The following ASAP3 variants were observed in gnomAD, a reference collection of about 807,000 sequenced individuals.
The protein encoded by ASAP3 is ArfGAP with SH3 domain, ankyrin repeat and PH domain 3.
Under a neutral mutation model 118.2 loss-of-function variants are expected in ASAP3, and 85 were observed. That is an observed-to-expected ratio of 0.72 (90% confidence interval 0.60 to 0.86). The LOEUF (loss-of-function observed/expected upper bound fraction) is 0.86, where lower values mean the gene tolerates loss of function less well. Among genes scored for constraint, ASAP3 ranks in the 40% least tolerant of loss-of-function variants. ASAP3 has a pLI of 0.00. For synonymous variants in ASAP3, 432 were observed against 477.4 expected (o/e 0.90, Z 1.24); for missense variants, 1,026 against 1,175.0 (o/e 0.87, Z 1.85).
intron 7 of ASAP3, 83 bp from the exon 8 acceptor site, chr1:23,441,813 T>TGCC: frequency 6.9e-7 from 1 of 1,458,648 alleles, no homozygotes; most frequent in Non-Finnish European, 9.5e-7. Flanking sequence ...GAAGCTGCCG[T>TGCC]AAGGATCACA....
intron 8 of ASAP3, 66 bp downstream of exon 8, chr1:23,441,589 C>T (rs1203148873): frequency 3.1e-6 from 5 of 1,604,754 alleles, no homozygotes; most frequent in Non-Finnish European, 4.3e-6. Context: ...AGCTCTTCCA[C>T]ACCCACAGAT....
intron 5 of ASAP3, among the ~76,000 whole-genome samples, chr1:23,448,470 T>C (rs908578546): frequency 2.0e-5 from 3 of 152,072 alleles, no homozygotes; most frequent in Non-Finnish European, 4.4e-5. Flanking sequence ...TTATTATTCT[T>C]TTTTAGAGAC....
In ASAP3 at chr1:23,437,330, T is replaced by C. The variant is rs767233249; in HGVS notation, c.1152-10A>G. 1.6e-5 allele frequency: 25 copies of C among 1,608,754 alleles called. No individual in the cohort carries two copies. Among genetic ancestry groups the C allele is most frequent in the Middle Eastern group, 1.6e-4 (1 of 6,066 alleles). ...CAACACTGACACCCACCTGCGGAGA[T>C]TGAACGGGGTGGGATGGGGATGTCA... is the stretch of plus-strand genomic sequence containing the variant. On this transcript the variant is annotated splice_polypyrimidine_tract_variant and intron_variant, in intron 13 of 24. Coordinates refer to ENST00000336689, the MANE Select transcript of ASAP3 (RefSeq NM_017707.4). The surrounding 1 kb of genome is among the most constrained non-coding windows in gnomAD (Gnocchi z 6.1).
chr1:23,442,939 G>C (rs965494840), intron 5 of ASAP3, among the ~76,000 whole-genome samples: 6 of 152,220 alleles, frequency 3.9e-5, no homozygotes, highest in African/African-American at 1.4e-4. Context: ...AAGAGGGATG[G>C]ACCATGTGAT....
intron 1 of ASAP3, among the ~76,000 whole-genome samples, chr1:23,463,492 T>C (rs901477366): frequency 4.6e-5 from 7 of 152,342 alleles, no homozygotes; most frequent in Middle Eastern, 6.8e-3. Flanking sequence ...AGTGCTATGA[T>C]GAGTCAGTAA....
At position 23,431,546 on chromosome 1, in the gene ASAP3, C is replaced by T. The variant is rs533828704; in HGVS notation, c.2546+150G>A. The stretch of plus-strand genomic sequence containing the variant: ...CAAGTGTGTGAAGGGGGAAGGGGTC[C>T]CAGGGTTCAGCATTTCTGCATAAGT... On this transcript the variant is annotated intron_variant, in intron 23 of 24. Coordinates refer to ENST00000336689, the MANE Select transcript of ASAP3 (RefSeq NM_017707.4). 1.6e-5 allele frequency: 12 copies of T among 763,998 alleles called. No individual in the cohort carries two copies. The African/African-American group carries it at 2.0e-4, about 13-fold the overall frequency. 47.3% of individuals were successfully genotyped at this position (763,998 alleles called of 1,614,324 possible).
intron 22 of ASAP3, 62 bp downstream of exon 22, chr1:23,433,015 C>T: frequency 6.3e-7 from 1 of 1,591,772 alleles, no homozygotes; most frequent in Non-Finnish European, 8.6e-7. Context: ...GCTCAGTGCC[C>T]CAGCATATAC....
At chr1:23,457,495 G>A (rs1225313360) in intron 1 of ASAP3, among the ~76,000 whole-genome samples, 2 of 152,268 alleles carry the variant, frequency 1.3e-5, no homozygotes, top group South Asian at 2.1e-4. Context: ...TCCACTACTC[G>A]GGGGCTATGT....
chr1:23,436,782 C>T lies in ASAP3; in HGVS notation c.1477-128G>A. 1 of 1,538,692 alleles carries T rather than the reference C, an allele frequency of 6.5e-7. No individual in the cohort carries two copies. Among genetic ancestry groups the T allele is most frequent in the Non-Finnish European group, 8.8e-7 (1 of 1,137,546 alleles). ...TCCCGGTTCAGGCCCCGCCCCTGACCACCCGCTACCTGGCTTGTCCCAGCC... is the reference window on the plus strand; with the variant it reads ...TCCCGGTTCAGGCCCCGCCCCTGACTACCCGCTACCTGGCTTGTCCCAGCC... On this transcript the variant is annotated intron_variant, in intron 15 of 24. Transcript: ENST00000336689. This position sits in a 1 kb window ranked among gnomAD's most constrained non-coding sequence, Gnocchi z 4.2.
chr1:23,462,467 C>G (rs72867725), intron 1 of ASAP3, among the ~76,000 whole-genome samples: 2,055 of 152,074 alleles, frequency 0.014, 46 homozygotes, highest in African/African-American at 0.047. Context: ...CCCACTACAC[C>G]CTGTGTAAAA....
intron 3 of ASAP3, among the ~76,000 whole-genome samples, chr1:23,455,316 G>A (rs1278136547): frequency 6.6e-6 from 1 of 152,212 alleles, no homozygotes; most frequent in Non-Finnish European, 1.5e-5. Context: ...GTGGCCTTGA[G>A]GAAAGGACTT....
Position 23,434,595 on chromosome 1 carries a change from A to G in ASAP3, c.1773T>C (p.His591=). The change falls in exon 18 of 25, where the codon CAT becomes CAC. Residue 591 remains histidine (H), a synonymous_variant. Transcript: ENST00000336689. ...CCTGGTTGGCGACTTTGACAGCCAA[A>G]TGCAAGACGAGTTCTTCAGGTGCCT... ...DAQAPEELVL[H]LAVKVANQAS... is the part of the protein sequence containing the mutation. The G allele has an allele frequency of 6.2e-7, 1 of 1,614,134 alleles. No homozygotes were observed. The highest frequency in any genetic ancestry group is 8.5e-7 in the Non-Finnish European group (1 of 1,180,028).
At chr1:23,432,950 G>C in intron 22 of ASAP3, 127 bp downstream of exon 22, 1 of 1,020,570 alleles carries the variant, frequency 9.8e-7, no homozygotes, top group Non-Finnish European at 1.4e-6. Flanking sequence ...GGGAAGATGA[G>C]AACCCCTTCC....
At chr1:23,473,461 T>A (rs184607133) in intron 1 of ASAP3, among the ~76,000 whole-genome samples, 3 of 152,306 alleles carry the variant, frequency 2.0e-5, no homozygotes, top group Admixed American at 6.5e-5. Context: ...CCACTCACTG[T>A]TCCCCTGTGG....
At chr1:23,433,385 T>A in intron 21 of ASAP3, 40 bp downstream of exon 21, 2 of 1,613,944 alleles carry the variant, frequency 1.2e-6, no homozygotes, top group Non-Finnish European at 1.7e-6. Flanking sequence ...GCTCTTTCCT[T>A]CTGCCATCCA....
At chr1:23,471,106 A>AC (rs1334180633) in intron 1 of ASAP3, among the ~76,000 whole-genome samples, 2 of 152,000 alleles carry the variant, frequency 1.3e-5, no homozygotes, top group Non-Finnish European at 2.9e-5. Flanking sequence ...CCTGCCCCCC[A>AC]CTTGGGCTTG....
At chr1:23,469,260 T>C (rs1422455923) in intron 1 of ASAP3, among the ~76,000 whole-genome samples, 1 of 151,138 alleles carries the variant, frequency 6.6e-6, no homozygotes. Flanking sequence ...GAGCTCTGAT[T>C]GCACCACTGC....
chr1:23,441,538 C>T, intron 8 of ASAP3, 65 bp from the exon 9 acceptor site: 5 of 1,604,520 alleles, frequency 3.1e-6, no homozygotes, highest in Non-Finnish European at 4.3e-6. Context: ...AGCCCAGACC[C>T]AGAAGAGCAG....
chr1:23,476,826 T>C (rs1642142577), intron 1 of ASAP3, among the ~76,000 whole-genome samples: 1 of 152,156 alleles, frequency 6.6e-6, no homozygotes, highest in African/African-American at 2.4e-5. Context: ...CCCCTCCATC[T>C]GGAGCACCCC....
Sources: gnomAD v4.1 joint callset for allele counts (sites outside exome capture counted in the v4.1 genomes callset) on GRCh38, gnomAD v4.1.1 for gene constraint, Gnocchi (gnomAD v3.1) non-coding constraint, MANE v1.5 for transcripts, NCBI Gene and HGNC (gene_info 2026-07-23, HGNC 2026-07-21) for gene names.